SLC4A10: variants seen among roughly 807,000 people sequenced by gnomAD.
SLC4A10 encodes solute carrier family 4 member 10, also known as sodium-driven chloride bicarbonate exchanger.
A neutral mutation model predicts 137.7 loss-of-function variants in SLC4A10; 42 were observed. The ratio of observed to expected loss-of-function variants is 0.30; its 90% confidence interval spans 0.24 to 0.39. SLC4A10 has a LOEUF of 0.39. Among genes scored for constraint, SLC4A10 ranks in the 10% least tolerant of loss-of-function variants. The probability of loss-of-function intolerance (pLI) is 1.00; values close to 1 mark genes in which losing one functional copy is unlikely to be tolerated. For missense variants in SLC4A10, 925 were observed against 1,355.0 expected, an observed-to-expected ratio of 0.68 and a Z score of 4.98; for synonymous variants, 474 against 464.1, an observed-to-expected ratio of 1.02 and a Z score of -0.27.
intron 5 of SLC4A10, among the ~76,000 whole-genome samples, chr2:161,856,648 C>T (rs1305271041): frequency 6.6e-6 from 1 of 152,064 alleles, no homozygotes; most frequent in Non-Finnish European, 1.5e-5. Context: ...AGCTCAATTT[C>T]TTAGCTTTAC....
intron 15 of SLC4A10, among the ~76,000 whole-genome samples, chr2:161,918,914 C>G (rs755163989): frequency 2.3e-4 from 35 of 152,176 alleles, no homozygotes; most frequent in Non-Finnish European, 4.1e-4. Flanking sequence ...CCCTGCGCTC[C>G]CTGGTGCAAC....
intron 10 of SLC4A10, among the ~76,000 whole-genome samples, chr2:161,883,575 G>T (rs924850140): frequency 6.6e-6 from 1 of 152,130 alleles, no homozygotes; most frequent in Non-Finnish European, 1.5e-5. Flanking sequence ...CAAATTGGGT[G>T]GTTTAAAATG....
chr2:161,751,377 T>C (rs1260529849), intron 1 of SLC4A10, among the ~76,000 whole-genome samples: 1 of 150,748 alleles, frequency 6.6e-6, no homozygotes, highest in Non-Finnish European at 1.5e-5. Flanking sequence ...CATATATTGC[T>C]AGGTTTAATT....
rs2046342702 is a variant in SLC4A10 at position 161,727,407 on chromosome 2, T to C, written c.49-43566T>C. Among the ~76,000 whole-genome samples the C allele has an allele frequency of 2.0e-5, 3 of 152,306 alleles. No homozygotes were observed. The South Asian group carries it at 6.2e-4, about 32-fold the overall frequency. ...TCAGTATTTAGTTCACACTCTTAAA[T>C]ATGAGCAGATAACCAAAGATTATGC... On this transcript the variant is annotated intron_variant, in intron 1 of 26. Coordinates refer to ENST00000446997, the MANE Select transcript of SLC4A10 (RefSeq NM_001178015.2).
At position 161,687,640 on chromosome 2, in the gene SLC4A10, A is replaced by G. The variant is rs151139828; in HGVS notation, c.48+63074A>G. ...TTAAGCAATATTGATATCGTTTGGCACTGTGTCCCCACCCAAATCTCACCT... is the reference window on the plus strand; with the variant it reads ...TTAAGCAATATTGATATCGTTTGGCGCTGTGTCCCCACCCAAATCTCACCT... On this transcript the variant is annotated intron_variant, in intron 1 of 26. Transcript: ENST00000446997. Among the ~76,000 whole-genome samples the G allele has an allele frequency of 3.2e-3, 491 of 152,248 alleles. 2 individuals are homozygous for G. The highest frequency in any genetic ancestry group is 0.011 in the African/African-American group (468 of 41,540).
chr2:161,711,368 G>T (rs982412690), intron 1 of SLC4A10, among the ~76,000 whole-genome samples: 4 of 151,818 alleles, frequency 2.6e-5, no homozygotes, highest in Non-Finnish European at 5.9e-5. Flanking sequence ...GAAATAAAGA[G>T]TAGCAAGTAT....
At chr2:161,626,475 C>T (rs1405025682) in intron 1 of SLC4A10, among the ~76,000 whole-genome samples, 4 of 151,990 alleles carry the variant, frequency 2.6e-5, no homozygotes. Context: ...GGTTAATGGT[C>T]AGTACAAAAT....
chr2:161,741,261 A>ATC (rs2047858988), intron 1 of SLC4A10, among the ~76,000 whole-genome samples: 1 of 143,278 alleles, frequency 7.0e-6, no homozygotes, highest in Non-Finnish European at 1.5e-5. Flanking sequence ...AGACTCTCAA[A>ATC]AAAAAAAAAA....
At chr2:161,823,814 A>T (rs1374099112) in intron 3 of SLC4A10, among the ~76,000 whole-genome samples, 1 of 152,216 alleles carries the variant, frequency 6.6e-6, no homozygotes, top group Non-Finnish European at 1.5e-5. Context: ...TCTGGGGGGA[A>T]AATGCCACAA....
At chr2:161,936,317 C>G (rs1366091703) in intron 15 of SLC4A10, among the ~76,000 whole-genome samples, 1 of 152,086 alleles carries the variant, frequency 6.6e-6, no homozygotes, top group African/African-American at 2.4e-5. Flanking sequence ...GGATGTACTT[C>G]TCTTCTTCAA....
chr2:161,740,042 TA>T (rs2047725765), intron 1 of SLC4A10, among the ~76,000 whole-genome samples: 1 of 152,178 alleles, frequency 6.6e-6, no homozygotes, highest in Non-Finnish European at 1.5e-5. Flanking sequence ...CACAAGTCAG[TA>T]AAAAGCCAAA....
chr2:161,737,240 A>C (rs1214163238), intron 1 of SLC4A10, among the ~76,000 whole-genome samples: 1 of 152,196 alleles, frequency 6.6e-6, no homozygotes, highest in African/African-American at 2.4e-5. Flanking sequence ...TACTTTGAAC[A>C]CTGATTTAGT....
intron 2 of SLC4A10, among the ~76,000 whole-genome samples, chr2:161,795,766 A>G (rs2054706045): frequency 6.6e-6 from 1 of 152,190 alleles, no homozygotes; most frequent in South Asian, 2.1e-4. Context: ...GATTTTGTGA[A>G]GATTAAATGA....
chr2:161,763,119 G>A (rs945569008), intron 1 of SLC4A10, among the ~76,000 whole-genome samples: 33 of 151,974 alleles, frequency 2.2e-4, no homozygotes, highest in African/African-American at 6.8e-4. Flanking sequence ...ATTTTGGGCA[G>A]AAATTAAACT....
At chr2:161,790,814 C>T (rs545706064) in intron 2 of SLC4A10, among the ~76,000 whole-genome samples, 13 of 152,064 alleles carry the variant, frequency 8.5e-5, no homozygotes, top group Non-Finnish European at 1.5e-4. Context: ...GCAAAAGACA[C>T]GAACAGACAC....
chr2:161,766,600 T>G (rs1245512874), intron 1 of SLC4A10, among the ~76,000 whole-genome samples: 2 of 152,234 alleles, frequency 1.3e-5, no homozygotes, highest in Middle Eastern at 3.4e-3. Flanking sequence ...AGAGATTCAT[T>G]CTAATGTGAC....
intron 14 of SLC4A10, 120 bp from the exon 15 acceptor site, chr2:161,905,522 A>G (rs1684161115): frequency 2.2e-6 from 3 of 1,363,428 alleles, no homozygotes; most frequent in African/African-American, 1.5e-5. Flanking sequence ...TTAGATACTC[A>G]TGGGATGTGA....
At chr2:161,653,493 T>A (rs2037096094) in intron 1 of SLC4A10, among the ~76,000 whole-genome samples, 1 of 152,210 alleles carries the variant, frequency 6.6e-6, no homozygotes, top group South Asian at 2.1e-4. Flanking sequence ...TTTTTCCACA[T>A]CCTCTCCAGC....
intron 3 of SLC4A10, among the ~76,000 whole-genome samples, chr2:161,829,588 T>C (rs1430668358): frequency 1.3e-5 from 2 of 152,338 alleles, no homozygotes; most frequent in African/African-American, 2.4e-5. Context: ...TATTCCACTT[T>C]GTTTTTTATA....
Sources: allele counts gnomAD v4.1 joint callset (sites outside exome capture counted in the v4.1 genomes callset), GRCh38; gene constraint gnomAD v4.1.1; transcripts MANE v1.5; gene names NCBI Gene and HGNC (gene_info 2026-07-23, HGNC 2026-07-21).